PTPRU: variants seen among roughly 807,000 people sequenced by gnomAD.
The protein encoded by PTPRU is protein tyrosine phosphatase receptor type U.
In PTPRU, 69 loss-of-function variants were observed where a neutral mutation model predicts 166.3. The observed-to-expected ratio is 0.41, with a 90% CI of 0.34 to 0.51. PTPRU has a LOEUF of 0.51. Ranked by LOEUF, PTPRU falls within the 20% of genes least tolerant of loss-of-function variation. PTPRU has a pLI of 0.09. For missense variants in PTPRU, 1,657 were observed against 2,013.7 expected (o/e 0.82, Z 3.39); for synonymous variants, 793 against 814.0 (o/e 0.97, Z 0.44).
In PTPRU at chr1:29,313,841, C is replaced by T. The variant is rs548818720; in HGVS notation, c.3227+1135C>T. ...CTGTACTCCAGCCTGGGCAACAGAG[C>T]GAGACTCTGCCTCTAAAAAAAAATT... On this transcript the variant is annotated intron_variant, in intron 22 of 29. Transcript: ENST00000373779. Among the ~76,000 whole-genome samples the T allele has an allele frequency of 3.9e-5, 6 of 152,134 alleles. No homozygotes were observed. The East Asian group carries it at 7.7e-4, about 20-fold the overall frequency.
At position 29,259,294 on chromosome 1, in the gene PTPRU, A is replaced by C. The variant is rs1212481491; in HGVS notation, c.511A>C (p.Arg171=). ...TGAGGCCCTCATCTCCCCAGACCGC[A>C]GGGGCTACATGGGCCTAGATGACAT... ...LFEALISPDR[R]GYMGLDDILL... The change falls in exon 4 of 30, where the codon AGG becomes CGG. Residue 171 remains arginine (R), a synonymous_variant. Coordinates refer to ENST00000373779, the MANE Select transcript of PTPRU (RefSeq NM_133178.4). 7 of 1,614,028 alleles carry C rather than the reference A, an allele frequency of 4.3e-6. No individual in the cohort carries two copies. The East Asian group carries it at 1.3e-4, about 31-fold the overall frequency.
At chr1:29,321,196 ATTTTTTTTTT>A (rs71025210) in intron 26 of PTPRU, among the ~76,000 whole-genome samples, 1,836 of 100,412 alleles carry the variant, frequency 0.018, 65 homozygotes, top group African/African-American at 0.068. Context: ...CAGCTGTCTG[ATTTTTTTTTT>A]TTTTTTTTTT....
chr1:29,282,798 A>G lies in PTPRU; in HGVS notation c.1991A>G (p.Tyr664Cys), dbSNP rs1170313181. The change falls in exon 12 of 30, where the codon TAC becomes TGC. Residue 664 changes from tyrosine (Y) to cysteine (C), a missense_variant. Coordinates refer to ENST00000373779, the MANE Select transcript of PTPRU (RefSeq NM_133178.4). ...EAALARGLVH[Y>C]FGAELAASSL... ...GCGCTGGCCCGAGGCCTGGTGCACT[A>G]CTTCGGGGCCGAACTGGCGGCCAGC... 2 of 1,614,110 alleles carry G rather than the reference A, an allele frequency of 1.2e-6. No homozygotes were observed. The highest frequency in any genetic ancestry group is 1.7e-6 in the Non-Finnish European group (2 of 1,180,004).
rs1394319667 is a variant in PTPRU at position 29,318,047 on chromosome 1, G to T, written c.3687+126G>T. On this transcript the variant is annotated intron_variant, in intron 25 of 29. Transcript: ENST00000373779. Reference sequence around the variant, plus strand: ...GACCCCTGCCCATTCTGGGGAACAGGCCTGTGTGTGACCCTCCTACTCCTA... The same window carrying T: ...GACCCCTGCCCATTCTGGGGAACAGTCCTGTGTGTGACCCTCCTACTCCTA... 4.8e-5 allele frequency: 61 copies of T among 1,264,460 alleles called. No homozygotes were observed. The Admixed American group carries it at 1.5e-3, about 32-fold the overall frequency. The allele number at this position is 1,264,460 out of a possible 1,614,324, so 78.3% of individuals were successfully genotyped here.
intron 12 of PTPRU, among the ~76,000 whole-genome samples, chr1:29,283,264 C>T (rs1450336830): frequency 2.0e-5 from 3 of 149,038 alleles, no homozygotes; most frequent in Non-Finnish European, 3.0e-5. Flanking sequence ...GCCACCCCCA[C>T]GGCCCCGCCT....
At chr1:29,285,020 T>C (rs1396781120) in intron 14 of PTPRU, 151 bp downstream of exon 14, 1 of 1,113,452 alleles carries the variant, frequency 9.0e-7, no homozygotes, top group Non-Finnish European at 1.2e-6. Context: ...CAGATGGATC[T>C]GAGCTGGGTG....
intron 17 of PTPRU, 109 bp downstream of exon 17, chr1:29,304,958 G>A (rs1267968622): frequency 9.9e-7 from 1 of 1,005,238 alleles, no homozygotes; most frequent in African/African-American, 1.6e-5. Flanking sequence ...TAGTAGCATT[G>A]GCCACCTTTT....
At chr1:29,282,027 C>T (rs565948655) in intron 11 of PTPRU, among the ~76,000 whole-genome samples, 1 of 152,338 alleles carries the variant, frequency 6.6e-6, no homozygotes, top group South Asian at 2.1e-4. Flanking sequence ...AGTCAGGATC[C>T]TGAAACAGCA....
chr1:29,287,556 C>T (rs998548683), intron 14 of PTPRU, among the ~76,000 whole-genome samples: 1 of 150,988 alleles, frequency 6.6e-6, no homozygotes, highest in East Asian at 1.9e-4. Context: ...ACAGCAGTCC[C>T]TGTGGGAGAT....
At position 29,275,807 on chromosome 1, in the gene PTPRU, C is replaced by T. The variant is rs373580893; in HGVS notation, c.1453+51C>T. 6.2e-5 allele frequency: 98 copies of T among 1,571,876 alleles called. 1 individual carries two copies. In the African/African-American group the frequency reaches 6.5e-4, roughly 10 times the overall value. On this transcript the variant is annotated intron_variant, in intron 8 of 29. Coordinates refer to ENST00000373779, the MANE Select transcript of PTPRU (RefSeq NM_133178.4). ...GGGCCCTGTGTACCTCCCACAGATA[C>T]GCCATGTCTGAGACTGAAATTTACT...
chr1:29,269,237 TA>T (rs1315051505), intron 7 of PTPRU, among the ~76,000 whole-genome samples: 11 of 44,840 alleles, frequency 2.5e-4, no homozygotes, highest in African/African-American at 4.3e-4. Flanking sequence ...TATATATATA[TA>T]TATATATATT....
chr1:29,258,721 G>C lies in PTPRU; in HGVS notation c.422G>C (p.Arg141Pro). The change falls in exon 3 of 30, where the codon CGT becomes CCT. Residue 141 changes from arginine to proline, a missense_variant. Arg to Pro is a moderately radical substitution (Grantham distance 103, BLOSUM62 -2). Transcript: ENST00000373779. The stretch of plus-strand genomic sequence containing the variant: ...TGGAATATGACTGGATCCCACGGCC[G>C]TCAGTGGCACCAGGCTGAGCTGGCT... ...AVWNMTGSHG[R>P]QWHQAELAVS... The C allele has an allele frequency of 6.2e-7, 1 of 1,609,148 alleles. No homozygotes were observed. The highest frequency in any genetic ancestry group is 8.5e-7 in the Non-Finnish European group (1 of 1,177,104).
chr1:29,251,518 G>A (rs944449348), intron 1 of PTPRU, among the ~76,000 whole-genome samples: 5 of 152,162 alleles, frequency 3.3e-5, no homozygotes, highest in African/African-American at 9.7e-5. Flanking sequence ...GGCTGAGGTC[G>A]GCCTATTTGG....
chr1:29,308,681 T>C (rs916369037), intron 18 of PTPRU, among the ~76,000 whole-genome samples: 14 of 152,112 alleles, frequency 9.2e-5, no homozygotes, highest in African/African-American at 3.4e-4. Context: ...GGTGATTATT[T>C]GCTATTTTGT....
At chr1:29,304,102 T>G in intron 16 of PTPRU, 57 bp downstream of exon 16, 1 of 1,553,750 alleles carries the variant, frequency 6.4e-7, no homozygotes, top group South Asian at 1.2e-5. Flanking sequence ...TGGCTCTTAC[T>G]CTCTGTGGAC....
intron 1 of PTPRU, among the ~76,000 whole-genome samples, chr1:29,240,009 C>T (rs1015332010): frequency 6.6e-6 from 1 of 152,208 alleles, no homozygotes; most frequent in African/African-American, 2.4e-5. Context: ...CTGCCCCTTG[C>T]ATCCTATGAT....
In PTPRU at chr1:29,279,247, A is replaced by G. The variant is rs902262981; in HGVS notation, c.1563+126A>G. On this transcript the variant is annotated intron_variant, in intron 9 of 29. Transcript: ENST00000373779. The surrounding 1 kb of genome is among the most constrained non-coding windows in gnomAD (Gnocchi z 5.2). Reference sequence around the variant, plus strand: ...TGTGATTGTCATAGTTTCTTCAACTATGGCCAGGTCTGTGCCCTGTGTATT... The same window carrying G: ...TGTGATTGTCATAGTTTCTTCAACTGTGGCCAGGTCTGTGCCCTGTGTATT... 2.9e-6 allele frequency: 3 copies of G among 1,039,688 alleles called. No individual in the cohort carries two copies. Among genetic ancestry groups the G allele is most frequent in the African/African-American group, 1.6e-5 (1 of 62,848 alleles). 64.4% of individuals were successfully genotyped at this position (1,039,688 alleles called of 1,614,324 possible).
chr1:29,319,538 C>T (rs1187357554), intron 25 of PTPRU, among the ~76,000 whole-genome samples: 1 of 152,248 alleles, frequency 6.6e-6, no homozygotes, highest in Non-Finnish European at 1.5e-5. Flanking sequence ...GTGGTCAAGT[C>T]TGCAAGGAGC....
chr1:29,269,237 TATATA>T, intron 7 of PTPRU, among the ~76,000 whole-genome samples: 3 of 44,838 alleles, frequency 6.7e-5, no homozygotes, highest in African/African-American at 7.1e-5. Flanking sequence ...TATATATATA[TATATA>T]TATATTTTTT....
Sources: gnomAD v4.1 joint callset for allele counts (sites outside exome capture counted in the v4.1 genomes callset) on GRCh38, gnomAD v4.1.1 for gene constraint, Gnocchi (gnomAD v3.1) non-coding constraint, MANE v1.5 for transcripts, NCBI Gene and HGNC (gene_info 2026-07-23, HGNC 2026-07-21) for gene names.